The following TMEM236 variants were observed in gnomAD, a reference collection of about 807,000 sequenced individuals.
The protein encoded by TMEM236 is family with sequence similarity 23, member A.
TMEM236 carries 11 observed loss-of-function variants against 14.7 expected under a neutral mutation model. The observed-to-expected ratio is 0.75, with a 90% confidence interval of 0.47 to 1.24. The LOEUF (loss-of-function observed/expected upper bound fraction) is 1.24. Ranked by LOEUF, TMEM236 falls within the 50% of genes most tolerant of loss-of-function variation. The pLI is 0.00. For synonymous variants in TMEM236, 182 were observed against 168.6 expected (o/e 1.08, Z -0.62); for missense variants, 464 against 427.3 (o/e 1.09, Z -0.76).
At chr10:17,759,716 T>A (rs964853842) in intron 1 of TMEM236, among the ~76,000 whole-genome samples, 1 of 152,028 alleles carries the variant, frequency 6.6e-6, no homozygotes, top group Non-Finnish European at 1.5e-5. Flanking sequence ...ATGAGGAGAT[T>A]GAGGCACAGG....
chr10:17,754,045 C>T (rs1047979616), intron 1 of TMEM236, among the ~76,000 whole-genome samples: 5 of 152,178 alleles, frequency 3.3e-5, no homozygotes, highest in African/African-American at 4.8e-5. Context: ...GATAATAACA[C>T]ATGAGATGGG....
At chr10:17,768,086 G>GTTTTTTTTTTTTTTTTTTTTTTTTTT (rs879036347) in intron 1 of TMEM236, among the ~76,000 whole-genome samples, 2 of 92,022 alleles carry the variant, frequency 2.2e-5, no homozygotes, top group Non-Finnish European at 2.2e-5. Context: ...AATTTTTGTG[G>GTTTTTTTTTTTTTTTTTTTTTTTTTT]TTTTTTTTTT....
intron 3 of TMEM236, among the ~76,000 whole-genome samples, chr10:17,778,821 T>G (rs1007456889): frequency 4.8e-4 from 73 of 152,370 alleles, no homozygotes; most frequent in African/African-American, 1.6e-3. Flanking sequence ...TTTCCAAAAT[T>G]TTAAATAAGT....
At chr10:17,787,266 C>T (rs1837853029) in intron 3 of TMEM236, among the ~76,000 whole-genome samples, 1 of 152,232 alleles carries the variant, frequency 6.6e-6, no homozygotes, top group Non-Finnish European at 1.5e-5. Flanking sequence ...CTGGCACCCT[C>T]TGTGGGGCCT....
At chr10:17,784,044 C>T (rs1222757593) in intron 3 of TMEM236, among the ~76,000 whole-genome samples, 1 of 151,758 alleles carries the variant, frequency 6.6e-6, no homozygotes, top group Non-Finnish European at 1.5e-5. Context: ...TTCTCATTTG[C>T]CTTTTAATTT....
intron 3 of TMEM236, among the ~76,000 whole-genome samples, chr10:17,794,208 T>C (rs1484717690): frequency 1.3e-5 from 2 of 152,204 alleles, no homozygotes; most frequent in Non-Finnish European, 1.5e-5. Flanking sequence ...TATTTTAAAA[T>C]GTTTTCAAAT....
chr10:17,766,911 C>T (rs1554834386), intron 1 of TMEM236, among the ~76,000 whole-genome samples: 1 of 151,930 alleles, frequency 6.6e-6, no homozygotes, highest in African/African-American at 2.4e-5. Flanking sequence ...ACTGTGATTT[C>T]TGCCTTCATC....
Position 17,796,763 on chromosome 10 carries a change from A to G in TMEM236, c.*259A>G. On this transcript the variant is annotated 3_prime_UTR_variant, in exon 4 of 4. Transcript: ENST00000377495. ...TGTTAGCAGCTAATTTTAGTTAGTT[A>G]TGTATACTGAGGTCCCCAACCCCTG... 1 of 471,864 alleles carries G rather than the reference A, an allele frequency of 2.1e-6. No homozygotes were observed. The highest frequency in any genetic ancestry group is 3.6e-5 in the Admixed American group (1 of 28,132). 29.2% of individuals were successfully genotyped at this position (471,864 alleles called of 1,614,324 possible).
intron 3 of TMEM236, among the ~76,000 whole-genome samples, chr10:17,784,617 A>C (rs1837804441): frequency 2.0e-5 from 3 of 152,308 alleles, no homozygotes; most frequent in Admixed American, 6.5e-5. Flanking sequence ...TGAAATCATA[A>C]TTTTTGGAGT....
chr10:17,787,767 A>G (rs1837862655), intron 3 of TMEM236, among the ~76,000 whole-genome samples: 3 of 152,158 alleles, frequency 2.0e-5, no homozygotes. Context: ...CTCTTAAACT[A>G]CACTAGTAAA....
Position 17,798,140 on chromosome 10 carries a change from G to C in TMEM236, c.*1636G>C, listed in dbSNP as rs1838045936. 1 of 192,826 alleles carries C rather than the reference G, an allele frequency of 5.2e-6. No homozygotes were observed. Among genetic ancestry groups the C allele is most frequent in the South Asian group, 1.0e-4 (1 of 10,006 alleles). The allele number at this position is 192,826 out of a possible 1,614,324, so 11.9% of individuals were successfully genotyped here. A position where few individuals can be genotyped will look rare whatever the true frequency, so the allele number is the denominator to read the frequency against. Reference sequence around the variant, plus strand: ...TTTCAGATGCTAGAGAGATTTGTGAGAGGCTGATAATGCAAGAGTAATGAT... The same window carrying C: ...TTTCAGATGCTAGAGAGATTTGTGACAGGCTGATAATGCAAGAGTAATGAT... On this transcript the variant is annotated 3_prime_UTR_variant, in exon 4 of 4. Coordinates refer to ENST00000377495, the MANE Select transcript of TMEM236 (RefSeq NM_001098844.3).
chr10:17,752,724 A>G (rs1837227221), intron 1 of TMEM236, among the ~76,000 whole-genome samples, 172 bp downstream of exon 1: 1 of 151,662 alleles, frequency 6.6e-6, no homozygotes, highest in Non-Finnish European at 1.5e-5. Context: ...ACACCACCAC[A>G]CCTGGCTTAT....
At chr10:17,770,801 TA>T (rs1671476971) in intron 1 of TMEM236, among the ~76,000 whole-genome samples, 1 of 152,232 alleles carries the variant, frequency 6.6e-6, no homozygotes, top group Non-Finnish European at 1.5e-5. Context: ...TTTGAAAAAT[TA>T]TGTCATTTTT....
At chr10:17,792,202 C>T (rs1429808567) in intron 3 of TMEM236, among the ~76,000 whole-genome samples, 1 of 152,204 alleles carries the variant, frequency 6.6e-6, no homozygotes. Flanking sequence ...ATTTTCCTGC[C>T]TCAGCCTCCT....
intron 3 of TMEM236, among the ~76,000 whole-genome samples, chr10:17,794,564 C>CAA (rs1300657798): frequency 0.015 from 2,242 of 152,236 alleles, 52 homozygotes; most frequent in African/African-American, 0.052. Context: ...CACACACACA[C>CAA]AATGGTGTTG....
At chr10:17,768,392 C>T (rs986840988) in intron 1 of TMEM236, among the ~76,000 whole-genome samples, 1 of 151,982 alleles carries the variant, frequency 6.6e-6, no homozygotes, top group South Asian at 2.1e-4. Flanking sequence ...AAACTGTATA[C>T]AATTTTTTTA....
chr10:17,779,230 A>G (rs1837709090), intron 3 of TMEM236, among the ~76,000 whole-genome samples: 1 of 151,950 alleles, frequency 6.6e-6, no homozygotes, highest in African/African-American at 2.4e-5. Flanking sequence ...ATTTTTACGG[A>G]GAGATAGATA....
intron 3 of TMEM236, among the ~76,000 whole-genome samples, chr10:17,785,666 C>A (rs1419299962): frequency 6.6e-6 from 1 of 151,648 alleles, no homozygotes; most frequent in South Asian, 2.1e-4. Context: ...GCCCCTAGTG[C>A]GAGCTGAATT....
chr10:17,781,737 C>T lies in TMEM236; in HGVS notation c.472+5567C>T, dbSNP rs1490642937. Among the ~76,000 whole-genome samples, 17 of 118,214 alleles carry T rather than the reference C, an allele frequency of 1.4e-4. No individual in the cohort carries two copies. In the East Asian group the frequency reaches 4.1e-3, roughly 29 times the overall value. 77.6% of individuals were successfully genotyped at this position (118,214 alleles called of 152,430 possible). ...CTCCAGCCTGGGTGATAGAACATAC[C>T]TCTGTCTCAAAAAAAAAAAAAAAAA... is the stretch of plus-strand genomic sequence containing the variant. On this transcript the variant is annotated intron_variant, in intron 3 of 3. Coordinates refer to ENST00000377495, the MANE Select transcript of TMEM236 (RefSeq NM_001098844.3).
Sources: gnomAD v4.1 joint callset for allele counts (sites outside exome capture counted in the v4.1 genomes callset) on GRCh38, gnomAD v4.1.1 for gene constraint, MANE v1.5 for transcripts, NCBI Gene and HGNC (gene_info 2026-07-23, HGNC 2026-07-21) for gene names.